Variants in AARS1 observed in about 807,000 individuals in gnomAD.
The protein encoded by AARS1 is alanyl-tRNA synthetase 1, also known as alanine--tRNA ligase, cytoplasmic.
Under a neutral mutation model 108.9 loss-of-function variants are expected in AARS1, and 72 were observed. The observed-to-expected ratio is 0.66, with a 90% CI of 0.55 to 0.80. AARS1 has a LOEUF of 0.80. AARS1 is among the 30% of genes least tolerant of loss of function. The probability of loss-of-function intolerance (pLI) is 0.00; values close to 1 mark genes in which losing one functional copy is unlikely to be tolerated. For synonymous variants in AARS1, 489 were observed against 465.7 expected (o/e 1.05, Z -0.64); for missense variants, 1,193 against 1,233.2 (o/e 0.97, Z 0.49).
At chr16:70,288,060 C>G (rs922812855) in intron 1 of AARS1, among the ~76,000 whole-genome samples, 26 of 150,580 alleles carry the variant, frequency 1.7e-4, no homozygotes, top group African/African-American at 5.9e-4. Context: ...CTACCGCGCC[C>G]GGCCAAGACA....
Position 70,259,124 on chromosome 16 carries a change from G to A in AARS1, c.1848C>T (p.Arg616=), listed in dbSNP as rs1960070909. The A allele has an allele frequency of 6.2e-7, 1 of 1,614,092 alleles. No individual in the cohort carries two copies. The highest frequency in any genetic ancestry group is 1.3e-5 in the African/African-American group (1 of 74,930). The change falls in exon 14 of 21, where the codon CGC becomes CGT. Residue 616 remains arginine, a synonymous_variant. Transcript: ENST00000261772. ...TCTGGTCAGCTTCCCCAAGCACTGAGCGCAGGGCGAAGTTCAGAATGTGCG... is the reference window on the plus strand; with the variant it reads ...TCTGGTCAGCTTCCCCAAGCACTGAACGCAGGGCGAAGTTCAGAATGTGCG... ...TATHILNFAL[R]SVLGEADQKG...
At chr16:70,254,791 C>G (rs963712042) in intron 16 of AARS1, 57 bp from the exon 17 acceptor site, 2 of 1,212,896 alleles carry the variant, frequency 1.6e-6, no homozygotes, top group Admixed American at 1.7e-5. Context: ...ACTCACTATC[C>G]TGTGTCTGAG....
chr16:70,255,314 C>T (rs546892935), intron 16 of AARS1, among the ~76,000 whole-genome samples: 1 of 151,318 alleles, frequency 6.6e-6, no homozygotes, highest in African/African-American at 2.4e-5. Flanking sequence ...ATTCTCCTGC[C>T]CCAGCCTCCC....
Position 70,258,102 on chromosome 16 carries a change from A to AC in AARS1, c.2107dup (p.Val703GlyfsTer7). The AC allele has an allele frequency of 6.2e-7, 1 of 1,614,118 alleles. No individual in the cohort carries two copies. Among genetic ancestry groups the AC allele is most frequent in the Middle Eastern group, 1.6e-4 (1 of 6,062 alleles). ...AGAGGGGTCATCCAGCAACTCGGACACCGGGACCCCAATGGAGACGACTCG... is the reference window on the plus strand; with the variant it reads ...AGAGGGGTCATCCAGCAACTCGGACACCCGGGACCCCAATGGAGACGACTCG... On this transcript the variant is annotated frameshift_variant, in exon 15 of 21. Transcript: ENST00000261772. LOFTEE classifies it high-confidence loss of function.
chr16:70,281,312 A>T (rs1183121038), intron 2 of AARS1, among the ~76,000 whole-genome samples: 3 of 152,158 alleles, frequency 2.0e-5, no homozygotes, highest in Non-Finnish European at 2.9e-5. Context: ...GGATTACTTG[A>T]GGCCATGAGC....
intron 8 of AARS1, among the ~76,000 whole-genome samples, 159 bp from the exon 9 acceptor site, chr16:70,267,968 G>A (rs1960305036): frequency 6.6e-6 from 1 of 152,196 alleles, no homozygotes; most frequent in African/African-American, 2.4e-5. Context: ...AGGAGTTCAA[G>A]ACCAGCCTGG....
At position 70,278,363 on chromosome 16, in the gene AARS1, C is replaced by T. The variant is rs560962250; in HGVS notation, c.145-1209G>A. Reference sequence around the variant, plus strand: ...GGCGGATCACCTGAGGTCGGGAGTTCGAGACCAGCCTGACCAACATGGAGA... The same window carrying T: ...GGCGGATCACCTGAGGTCGGGAGTTTGAGACCAGCCTGACCAACATGGAGA... On this transcript the variant is annotated intron_variant, in intron 2 of 20. Transcript: ENST00000261772. 2.6e-5 allele frequency among the ~76,000 whole-genome samples: 4 copies of T among 151,866 alleles called. No individual in the cohort carries two copies. In the South Asian group the frequency reaches 6.3e-4, roughly 24 times the overall value.
intron 11 of AARS1, 139 bp from the exon 12 acceptor site, chr16:70,262,663 AT>A: frequency 1.1e-6 from 1 of 938,036 alleles, no homozygotes; most frequent in Non-Finnish European, 1.6e-6. Flanking sequence ...AAGCAAACTC[AT>A]TAGACAATAT....
At chr16:70,269,978 T>C (rs1960357955) in intron 6 of AARS1, among the ~76,000 whole-genome samples, 1 of 152,038 alleles carries the variant, frequency 6.6e-6, no homozygotes, top group Non-Finnish European at 1.5e-5. Context: ...GAGCCTCACA[T>C]TATTATTTTT....
chr16:70,281,334 C>T (rs1434923117), intron 2 of AARS1, among the ~76,000 whole-genome samples: 1 of 152,066 alleles, frequency 6.6e-6, no homozygotes, highest in African/African-American at 2.4e-5. Flanking sequence ...CGAGACCAGC[C>T]TGAACAACTT....
At chr16:70,285,177 C>T (rs1960808645) in intron 1 of AARS1, among the ~76,000 whole-genome samples, 1 of 151,014 alleles carries the variant, frequency 6.6e-6, no homozygotes, top group African/African-American at 2.4e-5. Context: ...TGCAGTAAGC[C>T]GAAATTGCGC....
At chr16:70,284,169 G>A (rs990490486) in intron 1 of AARS1, among the ~76,000 whole-genome samples, 11 of 152,026 alleles carry the variant, frequency 7.2e-5, no homozygotes, top group South Asian at 2.1e-4. Context: ...AGCCGGGCGT[G>A]GTGGCAGGCG....
In AARS1 at chr16:70,259,086, A is replaced by G; in HGVS notation, c.1886T>C (p.Val629Ala). The change falls in exon 14 of 21, where the codon GTT becomes GCT. Residue 629 changes from valine to alanine, a missense_variant. By Grantham distance (64) the Val-to-Ala change is moderately conservative (BLOSUM62 0). Transcript: ENST00000261772. The stretch of plus-strand genomic sequence containing the variant: ...GTCAAATCTGAGGCGGTCAGGAGCA[A>G]CCAATGAGCCTTTCTGGTCAGCTTC... ...LGEADQKGSL[V>A]APDRLRFDFT... 2 of 1,614,188 alleles carry G rather than the reference A, an allele frequency of 1.2e-6. No homozygotes were observed. Among genetic ancestry groups the G allele is most frequent in the South Asian group, 2.2e-5 (2 of 91,086 alleles).
chr16:70,277,661 C>G (rs1251399713), intron 2 of AARS1, among the ~76,000 whole-genome samples: 3 of 152,022 alleles, frequency 2.0e-5, no homozygotes, highest in Non-Finnish European at 4.4e-5. Context: ...TGTATCAGGT[C>G]ATGCTTTGAT....
In AARS1 at chr16:70,268,370, C is replaced by G; in HGVS notation, c.972G>C (p.Leu324Phe). 2 of 1,614,096 alleles carry G rather than the reference C, an allele frequency of 1.2e-6. No individual in the cohort carries two copies. Among genetic ancestry groups the G allele is most frequent in the Non-Finnish European group, 1.7e-6 (2 of 1,179,960 alleles). Residue 324 changes from leucine (L) to phenylalanine (F), a missense_variant, in exon 8 of 21, where the codon TTG (leucine) becomes TTC (phenylalanine). Physicochemically the swap from Leu to Phe is conservative, Grantham distance 22 (BLOSUM62 0). Coordinates refer to ENST00000261772, the MANE Select transcript of AARS1 (RefSeq NM_001605.3). ...GGACAGCTCGGCGGAGAATCCGTCT[C>G]AACACATATCTGTAAGAGGCAAAAA... ...RPDNTGRGYV[L>F]RRILRRAVRY...
chr16:70,255,765 C>T lies in AARS1; in HGVS notation c.2249G>A (p.Arg750Gln), dbSNP rs1383041194. Residue 750 changes from arginine to glutamine, a missense_variant, in exon 16 of 21, where the codon CGG becomes CAG. Arg to Gln is a conservative substitution (Grantham distance 43). Coordinates refer to ENST00000261772, the MANE Select transcript of AARS1 (RefSeq NM_001605.3). ...VTEEAIAKGI[R>Q]RIVAVTGAEA... is the part of the protein sequence containing the mutation. ...GGCACCTGTGACAGCCACAATCCTCCGGATACCCTTGGCAATGGCTTCTTC... is the reference window on the plus strand; with the variant it reads ...GGCACCTGTGACAGCCACAATCCTCTGGATACCCTTGGCAATGGCTTCTTC... The T allele has an allele frequency of 5.0e-6, 8 of 1,614,078 alleles. No homozygotes were observed. In the Admixed American group the frequency reaches 5.0e-5, roughly 10 times the overall value.
intron 2 of AARS1, among the ~76,000 whole-genome samples, chr16:70,277,518 T>C (rs1015003913): frequency 6.6e-5 from 10 of 152,006 alleles, no homozygotes; most frequent in African/African-American, 2.4e-4. Flanking sequence ...ATCCTGAAAA[T>C]TGGTATGTTC....
chr16:70,268,418 G>A (rs1288976220), intron 7 of AARS1, 39 bp from the exon 8 acceptor site: 1 of 1,586,552 alleles, frequency 6.3e-7, no homozygotes, highest in East Asian at 2.2e-5. Context: ...GTTCCCAGCT[G>A]AGGGTTTTGT....
At chr16:70,269,052 G>A (rs749728871) in intron 7 of AARS1, among the ~76,000 whole-genome samples, 10 of 152,138 alleles carry the variant, frequency 6.6e-5, no homozygotes, top group Admixed American at 1.3e-4. Context: ...GGCCGGGCAC[G>A]GTGGCTCACG....
Sources: allele counts gnomAD v4.1 joint callset (sites outside exome capture counted in the v4.1 genomes callset), GRCh38; gene constraint gnomAD v4.1.1; transcripts MANE v1.5; gene names NCBI Gene and HGNC (gene_info 2026-07-23, HGNC 2026-07-21).